THOC2: variants seen among roughly 807,000 people sequenced by gnomAD.
THOC2 encodes the protein THO complex subunit 2, also known as THO complex 2.
THOC2 carries 10 observed loss-of-function variants against 128.4 expected under a neutral mutation model. The ratio of observed to expected loss-of-function variants is 0.08; its 90% CI spans 0.05 to 0.13. The LOEUF is 0.13. THOC2 is among the 10% of genes least tolerant of loss of function. The probability of loss-of-function intolerance (pLI) is 1.00; values close to 1 mark genes in which losing one functional copy is unlikely to be tolerated. For missense variants in THOC2, 535 were observed against 1,155.7 expected, an observed-to-expected ratio of 0.46 and a Z score of 7.79; for synonymous variants, 393 against 396.9, an observed-to-expected ratio of 0.99 and a Z score of 0.12.
Position 123,611,530 on chromosome X carries a change from T to A in THOC2, c.4678-14A>T. ...ATGCCTGGACTCCTATAAGAAATAG[T>A]AGAATTAGCTGGGGAAGGGAAAGCC... On this transcript the variant is annotated splice_polypyrimidine_tract_variant and intron_variant, in intron 36 of 38. Coordinates refer to ENST00000245838, the MANE Select transcript of THOC2 (RefSeq NM_001081550.2). 9.3e-7 allele frequency: 1 copy of A among 1,072,761 alleles called. No homozygotes were observed. Among genetic ancestry groups the A allele is most frequent in the Non-Finnish European group, 1.3e-6 (1 of 774,896 alleles). The allele number at this position is 1,072,761 out of a possible 1,213,427, so 88.4% of individuals were successfully genotyped here.
At chrX:123,708,500 G>T (rs890636863) in intron 2 of THOC2, among the ~76,000 whole-genome samples, 1 of 108,850 alleles carries the variant, frequency 9.2e-6, no homozygotes, top group African/African-American at 3.3e-5. Context: ...AATTAAGGTG[G>T]TTTTTTTGGC....
intron 12 of THOC2, among the ~76,000 whole-genome samples, chrX:123,661,334 G>GGT (rs1309540417): frequency 9.0e-6 from 1 of 111,273 alleles, no homozygotes. Flanking sequence ...GAACCCAGGA[G>GGT]GCGGAGGTTG....
At chrX:123,645,790 C>T (rs781550066) in intron 12 of THOC2, among the ~76,000 whole-genome samples, 13 of 112,036 alleles carry the variant, frequency 1.2e-4, no homozygotes, top group African/African-American at 3.6e-4. Context: ...GGCGAAACCC[C>T]GTCTCTACTA....
At chrX:123,635,140 T>C (rs1446078831) in intron 19 of THOC2, among the ~76,000 whole-genome samples, 1 of 111,442 alleles carries the variant, frequency 9.0e-6, no homozygotes, top group Non-Finnish European at 1.9e-5. Flanking sequence ...AACTAGTATA[T>C]AAGTACCAAT....
chrX:123,653,229 C>T (rs1208236849), intron 12 of THOC2, among the ~76,000 whole-genome samples: 1 of 111,975 alleles, frequency 8.9e-6, no homozygotes, highest in Admixed American at 9.5e-5. Context: ...ATGCAGAAAA[C>T]TGAAACTGGA....
intron 2 of THOC2, 35 bp from the exon 3 acceptor site, chrX:123,706,984 G>T: frequency 1.4e-6 from 1 of 738,579 alleles, no homozygotes; most frequent in Non-Finnish European, 1.9e-6. Context: ...TAAGGATACA[G>T]TCTCTTGAAC....
intron 4 of THOC2, among the ~76,000 whole-genome samples, chrX:123,701,797 C>CT (rs2050718092): frequency 9.0e-6 from 1 of 110,932 alleles, no homozygotes; most frequent in Non-Finnish European, 1.9e-5. Flanking sequence ...AACATATACT[C>CT]TATCATCCAA....
chrX:123,631,847 A>C lies in THOC2; in HGVS notation c.2322T>G (p.His774Gln). ...KLVGKLYDQCHDTLVQFGGFL... is the reference protein window; with the variant it reads ...KLVGKLYDQCQDTLVQFGGFL... ...ACCCACCAAACTGCACCAGGGTATC[A>C]TGACACTAAATTTAAAAAATAAGAC... Residue 774 changes from histidine to glutamine, a missense_variant, in exon 22 of 39, where the codon CAT becomes CAG. This residue lies in a region of THOC2 where 90 missense variants were observed against 298.6 expected (regional missense o/e 0.30). Coordinates refer to ENST00000245838, the MANE Select transcript of THOC2 (RefSeq NM_001081550.2). The C allele has an allele frequency of 8.4e-7, 1 of 1,185,552 alleles. No individual in the cohort carries two copies. The highest frequency in any genetic ancestry group is 1.9e-5 in the South Asian group (1 of 53,232).
intron 8 of THOC2, among the ~76,000 whole-genome samples, chrX:123,677,125 T>G (rs1267589735): frequency 8.9e-6 from 1 of 111,954 alleles, no homozygotes; most frequent in Admixed American, 9.5e-5. Flanking sequence ...AGTTACTATA[T>G]TGAATACTAT....
At chrX:123,693,553 A>C (rs1005624174) in intron 7 of THOC2, among the ~76,000 whole-genome samples, 1 of 111,838 alleles carries the variant, frequency 8.9e-6, no homozygotes, top group African/African-American at 3.3e-5. Flanking sequence ...AGGAAGATGA[A>C]CTTTCTAAAA....
chrX:123,631,500 A>G (rs2047483944), intron 22 of THOC2, among the ~76,000 whole-genome samples, 188 bp downstream of exon 22: 2 of 111,942 alleles, frequency 1.8e-5, no homozygotes, highest in South Asian at 7.5e-4. Context: ...ATTAGACTCC[A>G]AATTTCTCAT....
At chrX:123,641,273 T>C (rs1413124162) in intron 15 of THOC2, among the ~76,000 whole-genome samples, 1 of 111,995 alleles carries the variant, frequency 8.9e-6, no homozygotes, top group East Asian at 2.8e-4. Context: ...CTTAAATGCC[T>C]CTCCTGAGAT....
At chrX:123,665,905 C>T (rs1222963268) in intron 11 of THOC2, 68 bp from the exon 12 acceptor site, 1 of 582,163 alleles carries the variant, frequency 1.7e-6, no homozygotes, top group African/African-American at 2.4e-5. Flanking sequence ...ACTATATACA[C>T]ACACACTACA....
chrX:123,713,898 TA>T (rs1351372383), intron 1 of THOC2, among the ~76,000 whole-genome samples: 2 of 109,070 alleles, frequency 1.8e-5, no homozygotes, highest in East Asian at 5.7e-4. Context: ...AAGTTGTCTT[TA>T]GGGGGAAAAA....
At chrX:123,642,209 A>C (rs2047944456) in intron 15 of THOC2, among the ~76,000 whole-genome samples, 1 of 111,585 alleles carries the variant, frequency 9.0e-6, no homozygotes, top group Admixed American at 9.5e-5. Context: ...GTGAATCACA[A>C]GGTCAGGAGT....
At chrX:123,718,203 C>T (rs2051515376) in intron 1 of THOC2, among the ~76,000 whole-genome samples, 1 of 112,152 alleles carries the variant, frequency 8.9e-6, no homozygotes, top group Non-Finnish European at 1.9e-5. Context: ...AAGACAGTCT[C>T]TTCAATAAAG....
intron 9 of THOC2, among the ~76,000 whole-genome samples, chrX:123,669,831 A>G (rs1055171403): frequency 1.8e-5 from 2 of 111,945 alleles, no homozygotes; most frequent in African/African-American, 6.5e-5. Flanking sequence ...ATTTTGTCCA[A>G]CAGTAAGTTT....
At chrX:123,664,018 T>C (rs1247934972) in intron 12 of THOC2, among the ~76,000 whole-genome samples, 4 of 112,186 alleles carry the variant, frequency 3.6e-5, no homozygotes, top group African/African-American at 6.5e-5. Flanking sequence ...CAGTCTATCA[T>C]TGATGGACAT....
intron 38 of THOC2, among the ~76,000 whole-genome samples, chrX:123,608,796 A>G (rs2046585309): frequency 3.6e-5 from 4 of 112,354 alleles, no homozygotes; most frequent in African/African-American, 1.3e-4. Context: ...AGTCTACCCA[A>G]GAAGAAAGTA....
Sources: allele counts gnomAD v4.1 joint callset (sites outside exome capture counted in the v4.1 genomes callset), GRCh38; gene constraint gnomAD v4.1.1; regional missense constraint gnomAD v4.1.1; transcripts MANE v1.5; gene names NCBI Gene and HGNC (gene_info 2026-07-23, HGNC 2026-07-21).